CFAP20DC: variants seen among roughly 807,000 people sequenced by gnomAD.
CFAP20DC encodes the protein protein CFAP20DC.
CFAP20DC carries 84 observed loss-of-function variants against 101.7 expected under a neutral mutation model. The ratio of observed to expected loss-of-function variants is 0.83; its 90% CI spans 0.69 to 0.99. The LOEUF (loss-of-function observed/expected upper bound fraction) is 0.99, where lower values mean the gene tolerates loss of function less well. Among genes scored for constraint, CFAP20DC ranks in the 50% least tolerant of loss-of-function variants. CFAP20DC has a pLI of 0.00. For missense variants in CFAP20DC, 1,007 were observed against 970.3 expected (o/e 1.04, Z -0.50); for synonymous variants, 359 against 351.2 (o/e 1.02, Z -0.25).
At chr3:58,871,708 T>C (rs2108537968) in intron 7 of CFAP20DC, among the ~76,000 whole-genome samples, 1 of 152,164 alleles carries the variant, frequency 6.6e-6, no homozygotes, top group East Asian at 1.9e-4. Context: ...TTTGTATTTT[T>C]AGTAGGATGG....
rs771036449 is a variant in CFAP20DC, at chr3:58,971,695, A to G, written c.279-33933T>C. 8.5e-5 allele frequency among the ~76,000 whole-genome samples: 13 copies of G among 152,154 alleles called. No individual in the cohort carries two copies. The highest frequency in any genetic ancestry group is 1.6e-4 in the Non-Finnish European group (11 of 68,026). On this transcript the variant is annotated intron_variant, in intron 4 of 16. Coordinates refer to ENST00000482387, the MANE Select transcript of CFAP20DC (RefSeq NM_001394063.1). This position sits in a 1 kb window ranked among gnomAD's most constrained non-coding sequence, Gnocchi z 4.1. Reference sequence around the variant, plus strand: ...GGTTATGTTCTAGCCATGCAATGGTATATATAGCGCTATTAAAAAGAGTGA... The same window carrying G: ...GGTTATGTTCTAGCCATGCAATGGTGTATATAGCGCTATTAAAAAGAGTGA...
At chr3:58,886,994 C>T (rs1227885578) in intron 6 of CFAP20DC, among the ~76,000 whole-genome samples, 1 of 152,070 alleles carries the variant, frequency 6.6e-6, no homozygotes, top group African/African-American at 2.4e-5. Flanking sequence ...TTTATAAAAG[C>T]AAATAGAAGA....
rs1238050119 is a variant in CFAP20DC at position 58,975,159 on chromosome 3, A to G, written c.279-37397T>C. Reference sequence around the variant, plus strand: ...AGCTTTTTTTTTCAGCGGGTACACTATGCTTTCTACTCTTCACATGACTAG... The same window carrying G: ...AGCTTTTTTTTTCAGCGGGTACACTGTGCTTTCTACTCTTCACATGACTAG... On this transcript the variant is annotated intron_variant, in intron 4 of 16. Transcript: ENST00000482387. 2.0e-5 allele frequency among the ~76,000 whole-genome samples: 3 copies of G among 151,974 alleles called. No homozygotes were observed. The South Asian group carries it at 6.2e-4, about 32-fold the overall frequency.
At chr3:58,848,599 T>G (rs894647253) in intron 13 of CFAP20DC, among the ~76,000 whole-genome samples, 6 of 152,174 alleles carry the variant, frequency 3.9e-5, no homozygotes, top group Admixed American at 2.0e-4. Flanking sequence ...ATATCATTTA[T>G]TATTTGGGGA....
chr3:59,009,048 T>G (rs2093515173), intron 4 of CFAP20DC, among the ~76,000 whole-genome samples: 1 of 152,118 alleles, frequency 6.6e-6, no homozygotes, highest in East Asian at 1.9e-4. Flanking sequence ...ACAAAGACTT[T>G]CTATAACTAA....
chr3:58,925,372 C>T (rs912510492), intron 5 of CFAP20DC, among the ~76,000 whole-genome samples: 3 of 152,168 alleles, frequency 2.0e-5, no homozygotes, highest in Non-Finnish European at 2.9e-5. Flanking sequence ...TTGGTGTTTA[C>T]CATAGCCCGT....
intron 3 of CFAP20DC, among the ~76,000 whole-genome samples, chr3:58,733,424 G>A (rs753053797): frequency 3.3e-5 from 5 of 152,066 alleles, no homozygotes; most frequent in African/African-American, 9.6e-5. Flanking sequence ...TCAAACATTC[G>A]TCATATACTC....
chr3:58,829,723 A>C (rs1296746587), intron 14 of CFAP20DC, among the ~76,000 whole-genome samples: 2 of 152,150 alleles, frequency 1.3e-5, no homozygotes, highest in Non-Finnish European at 2.9e-5. Context: ...TTTCGAGTGG[A>C]ATAGATGTCA....
intron 15 of CFAP20DC, among the ~76,000 whole-genome samples, chr3:58,793,161 T>G (rs950322391): frequency 3.3e-5 from 5 of 152,160 alleles, no homozygotes; most frequent in Admixed American, 6.5e-5. Context: ...AAAATATCAT[T>G]AAATCAGCAC....
intron 4 of CFAP20DC, among the ~76,000 whole-genome samples, chr3:59,011,661 T>C (rs1296553014): frequency 6.6e-6 from 1 of 151,990 alleles, no homozygotes; most frequent in African/African-American, 2.4e-5. Flanking sequence ...AAGATAAGTC[T>C]CTTTGAAAAG....
chr3:59,019,016 A>C (rs954106460), intron 4 of CFAP20DC: 5 of 152,128 alleles, frequency 3.3e-5, no homozygotes, highest in African/African-American at 1.2e-4. Flanking sequence ...ATATGCGTGA[A>C]AGGTATATGG....
chr3:58,907,266 A>C (rs1230966263), intron 6 of CFAP20DC, among the ~76,000 whole-genome samples: 1 of 152,188 alleles, frequency 6.6e-6, no homozygotes, highest in Non-Finnish European at 1.5e-5. Context: ...TTAACCTGAC[A>C]GGTCTGTGAA....
At chr3:59,038,788 C>T (rs1302980084) in intron 4 of CFAP20DC, among the ~76,000 whole-genome samples, 1 of 151,996 alleles carries the variant, frequency 6.6e-6, no homozygotes, top group Non-Finnish European at 1.5e-5. Flanking sequence ...TCATCTTTTA[C>T]TTAGTAAAAG....
At chr3:58,744,285 A>C (rs2068049167) in intron 16 of CFAP20DC, among the ~76,000 whole-genome samples, 1 of 152,172 alleles carries the variant, frequency 6.6e-6, no homozygotes, top group Admixed American at 6.5e-5. Flanking sequence ...GGTGAGTTAG[A>C]GGCAGAGCTG....
At position 59,049,545 on chromosome 3, in the gene CFAP20DC, C is replaced by T. The variant is rs890130291; in HGVS notation, c.21+66G>A. On this transcript the variant is annotated intron_variant, in intron 1 of 16. Transcript: ENST00000482387. ...TAGAGGGTGCACTTTATCCTCACCCCGATCACGGACTACCTCACCCAAGAG... is the reference window on the plus strand; with the variant it reads ...TAGAGGGTGCACTTTATCCTCACCCTGATCACGGACTACCTCACCCAAGAG... The T allele has an allele frequency of 3.8e-5, 54 of 1,433,358 alleles. No individual in the cohort carries two copies. The South Asian group carries it at 6.3e-4, about 17-fold the overall frequency. 88.8% of individuals were successfully genotyped at this position (1,433,358 alleles called of 1,614,324 possible). A position where few individuals can be genotyped will look rare whatever the true frequency, so the allele number is the denominator to read the frequency against.
intron 3 of CFAP20DC, among the ~76,000 whole-genome samples, chr3:59,044,397 T>G (rs1455200822): frequency 1.3e-5 from 2 of 152,148 alleles, no homozygotes; most frequent in East Asian, 1.9e-4. Context: ...CAGGGCAGAC[T>G]ATATAAACTG....
intron 7 of CFAP20DC, among the ~76,000 whole-genome samples, chr3:58,883,116 C>T (rs1369577240): frequency 6.6e-6 from 1 of 152,196 alleles, no homozygotes; most frequent in African/African-American, 2.4e-5. Flanking sequence ...ATGGTTATCT[C>T]TTGTTTCTCC....
intron 5 of CFAP20DC, among the ~76,000 whole-genome samples, chr3:58,936,152 A>C (rs1410858149): frequency 6.6e-6 from 1 of 152,242 alleles, no homozygotes; most frequent in Non-Finnish European, 1.5e-5. Context: ...ACATTTATGC[A>C]GCCAAAACAC....
At chr3:58,748,307 A>T in intron 16 of CFAP20DC, among the ~76,000 whole-genome samples, 1 of 152,144 alleles carries the variant, frequency 6.6e-6, no homozygotes, top group East Asian at 1.9e-4. Context: ...GCTATGGGAA[A>T]ATGCATCCCA....
Sources: gnomAD v4.1 joint callset for allele counts (sites outside exome capture counted in the v4.1 genomes callset) on GRCh38, gnomAD v4.1.1 for gene constraint, Gnocchi (gnomAD v3.1) non-coding constraint, MANE v1.5 for transcripts, NCBI Gene and HGNC (gene_info 2026-07-23, HGNC 2026-07-21) for gene names.